Variants in KIF6 observed in about 807,000 individuals in gnomAD.
The protein encoded by KIF6 is kinesin-like protein KIF6.
KIF6 carries 106 observed loss-of-function variants against 112.7 expected under a neutral mutation model. That is an observed-to-expected ratio of 0.94 (90% CI 0.80 to 1.11). The LOEUF (loss-of-function observed/expected upper bound fraction) is 1.11. Among genes scored for constraint, KIF6 ranks in the 50% least tolerant of loss-of-function variants. The probability of loss-of-function intolerance (pLI) is 0.00; values close to 1 mark genes in which losing one functional copy is unlikely to be tolerated. For missense variants in KIF6, 929 were observed against 964.0 expected (o/e 0.96, Z 0.48); for synonymous variants, 339 against 339.9 (o/e 1.00, Z 0.03).
At chr6:39,523,528 C>T (rs1777514255) in intron 13 of KIF6, among the ~76,000 whole-genome samples, 2 of 151,062 alleles carry the variant, frequency 1.3e-5, no homozygotes, top group African/African-American at 4.9e-5. Context: ...CCAACCCAAC[C>T]AAATGCTTTT....
chr6:39,669,534 A>C (rs1786679134), intron 3 of KIF6, among the ~76,000 whole-genome samples: 1 of 152,066 alleles, frequency 6.6e-6, no homozygotes, highest in African/African-American at 2.4e-5. Context: ...TTCTCAGTTT[A>C]TTTTCTTTTG....
intron 13 of KIF6, among the ~76,000 whole-genome samples, chr6:39,499,985 C>T (rs1409669514): frequency 5.3e-5 from 8 of 152,134 alleles, no homozygotes; most frequent in Non-Finnish European, 8.8e-5. Context: ...CTGGTGAGGT[C>T]CTGACCCCAC....
intron 14 of KIF6, among the ~76,000 whole-genome samples, chr6:39,424,060 C>T (rs1454088286): frequency 2.0e-5 from 3 of 152,200 alleles, no homozygotes; most frequent in African/African-American, 7.2e-5. Context: ...GAAGTAGACT[C>T]TTCACGCTCT....
At chr6:39,403,923 G>A (rs1317422488) in intron 15 of KIF6, among the ~76,000 whole-genome samples, 4 of 152,160 alleles carry the variant, frequency 2.6e-5, no homozygotes, top group African/African-American at 7.2e-5. Context: ...TTTTGCATGC[G>A]TTCATTTGCC....
intron 16 of KIF6, among the ~76,000 whole-genome samples, chr6:39,385,290 G>A (rs1175124401): frequency 6.6e-6 from 1 of 152,186 alleles, no homozygotes; most frequent in Non-Finnish European, 1.5e-5. Flanking sequence ...AGTTAGTAGT[G>A]GCTCTGAAAA....
chr6:39,528,447 T>A (rs181785493), intron 13 of KIF6, among the ~76,000 whole-genome samples: 7 of 152,356 alleles, frequency 4.6e-5, no homozygotes, highest in Admixed American at 3.3e-4. Flanking sequence ...GTCTTTGACA[T>A]CTTGATTTCA....
intron 3 of KIF6, among the ~76,000 whole-genome samples, chr6:39,711,169 G>C (rs1458793138): frequency 6.9e-6 from 1 of 144,950 alleles, no homozygotes; most frequent in Non-Finnish European, 1.5e-5. Context: ...GATTGAAATA[G>C]CTGACTGAGA....
At chr6:39,350,724 CCAG>C (rs1414382887) in intron 19 of KIF6, among the ~76,000 whole-genome samples, 2 of 152,218 alleles carry the variant, frequency 1.3e-5, no homozygotes. Flanking sequence ...CCCGTTACTA[CCAG>C]CATCTAAAGC....
intron 3 of KIF6, among the ~76,000 whole-genome samples, chr6:39,686,353 T>C (rs1787869509): frequency 6.6e-6 from 1 of 152,216 alleles, no homozygotes; most frequent in African/African-American, 2.4e-5. Flanking sequence ...ACTTAAAATT[T>C]ACTTTCTGTA....
intron 13 of KIF6, among the ~76,000 whole-genome samples, chr6:39,474,860 G>A (rs1166482301): frequency 6.6e-6 from 1 of 152,214 alleles, no homozygotes; most frequent in Non-Finnish European, 1.5e-5. Context: ...TACTGCCTGT[G>A]GCATAATCAC....
chr6:39,545,113 T>G lies in KIF6; in HGVS notation c.1288-420A>C, dbSNP rs146621883. ...CTTTGTCTTATCTATACCTGGCCCT[T>G]AGTAACTCACAACAAATGTTTATTA... is the stretch of plus-strand genomic sequence containing the variant. On this transcript the variant is annotated intron_variant, in intron 11 of 22. Coordinates refer to ENST00000287152, the MANE Select transcript of KIF6 (RefSeq NM_145027.6). 9.2e-5 allele frequency among the ~76,000 whole-genome samples: 14 copies of G among 152,318 alleles called. No individual in the cohort carries two copies. The East Asian group carries it at 2.1e-3, about 23-fold the overall frequency.
chr6:39,596,046 C>A lies in KIF6; in HGVS notation c.846+8G>T. On this transcript the variant is annotated splice_region_variant and intron_variant, in intron 7 of 22. Coordinates refer to ENST00000287152, the MANE Select transcript of KIF6 (RefSeq NM_145027.6). ...AGTTATTAATACATCCCACTCTGCC[C>A]ATTTTACCTGTTCTAAGTAATGTAG... is the stretch of plus-strand genomic sequence containing the variant. 6.2e-7 allele frequency: 1 copy of A among 1,609,244 alleles called. No individual in the cohort carries two copies. The highest frequency in any genetic ancestry group is 8.5e-7 in the Non-Finnish European group (1 of 1,175,724).
chr6:39,554,096 C>T, intron 10 of KIF6: 1 of 157,460 alleles, frequency 6.4e-6, no homozygotes, highest in Non-Finnish European at 1.4e-5. Context: ...CTGGAGATTG[C>T]AGACAAGCTG....
rs987251112 is a variant in KIF6, at chr6:39,686,016, T to G, written c.251+28676A>C. Among the ~76,000 whole-genome samples the G allele has an allele frequency of 8.5e-5, 13 of 152,232 alleles. 1 individual carries two copies. The highest frequency in any genetic ancestry group is 4.4e-5 in the Non-Finnish European group (3 of 68,036). On this transcript the variant is annotated intron_variant, in intron 3 of 22. Transcript: ENST00000287152. ...ATTTTTAATGACTTTTTTTGAAATT[T>G]TATTCTTTCATGATGAGGGTTGGAT...
intron 10 of KIF6, among the ~76,000 whole-genome samples, chr6:39,550,692 G>A (rs1779326410): frequency 6.7e-6 from 1 of 150,112 alleles, no homozygotes; most frequent in Non-Finnish European, 1.5e-5. Flanking sequence ...ATTCCAGAGA[G>A]CTAGAAAGGA....
At chr6:39,432,006 CTTTTCTCATG>C (rs1468490571) in intron 13 of KIF6, among the ~76,000 whole-genome samples, 2 of 151,636 alleles carry the variant, frequency 1.3e-5, no homozygotes, top group Non-Finnish European at 2.9e-5. Context: ...CCTGGGAGGC[CTTTTCTCATG>C]TTTTCCTCCA....
intron 1 of KIF6, among the ~76,000 whole-genome samples, chr6:39,722,944 A>C (rs916444445): frequency 6.6e-6 from 1 of 152,172 alleles, no homozygotes; most frequent in Non-Finnish European, 1.5e-5. Context: ...TTAAGAGAAA[A>C]GAAAGTTCAG....
rs369389018 is a variant in KIF6, at chr6:39,537,039, T to A, written c.1645+2964A>T. 9.8e-4 allele frequency among the ~76,000 whole-genome samples: 149 copies of A among 152,288 alleles called. 2 individuals carry two copies. The highest frequency in any genetic ancestry group is 8.8e-3 in the Admixed American group (135 of 15,302). On this transcript the variant is annotated intron_variant, in intron 13 of 22. Coordinates refer to ENST00000287152, the MANE Select transcript of KIF6 (RefSeq NM_145027.6). ...AATGCTTCATGCTAAAAACTCTCAA[T>A]AAATTAGGTATTGATGGGACGTATC... is the stretch of plus-strand genomic sequence containing the variant.
At chr6:39,360,868 A>G (rs890514869) in intron 17 of KIF6, among the ~76,000 whole-genome samples, 1 of 152,198 alleles carries the variant, frequency 6.6e-6, no homozygotes, top group African/African-American at 2.4e-5. Flanking sequence ...AACTCATTTA[A>G]TTCTCCTCAC....
Sources: allele counts gnomAD v4.1 joint callset (sites outside exome capture counted in the v4.1 genomes callset), GRCh38; gene constraint gnomAD v4.1.1; transcripts MANE v1.5; gene names NCBI Gene and HGNC (gene_info 2026-07-23, HGNC 2026-07-21).